RASSF1: variants seen among roughly 807,000 people sequenced by gnomAD.
The protein encoded by RASSF1 is Ras association domain family member 1.
Under a neutral mutation model 34.3 loss-of-function variants are expected in RASSF1, and 33 were observed. The ratio of observed to expected loss-of-function variants is 0.96; its 90% CI spans 0.73 to 1.29. RASSF1 has a LOEUF of 1.29. Ranked by LOEUF, RASSF1 falls within the 50% of genes most tolerant of loss-of-function variation. The pLI is 0.00. For synonymous variants in RASSF1, 191 were observed against 195.0 expected (o/e 0.98, Z 0.17); for missense variants, 445 against 471.8 (o/e 0.94, Z 0.53).
chr3:50,339,148 CCTTTT>C (rs1365996762), intron 1 of RASSF1, among the ~76,000 whole-genome samples: 1 of 152,168 alleles, frequency 6.6e-6, no homozygotes, highest in Non-Finnish European at 1.5e-5. Flanking sequence ...AATTTAATTC[CCTTTT>C]CTTCAGCCTC....
chr3:50,330,127 T>C lies in RASSF1; in HGVS notation c.*454A>G, dbSNP rs1702882048. 6.3e-6 allele frequency: 1 copy of C among 158,326 alleles called. No individual in the cohort carries two copies. The highest frequency in any genetic ancestry group is 1.4e-5 in the Non-Finnish European group (1 of 71,710). The allele number at this position is 158,326 out of a possible 1,614,324, so 9.8% of individuals were successfully genotyped here. On this transcript the variant is annotated 3_prime_UTR_variant, in exon 6 of 6. Coordinates refer to ENST00000359365, the MANE Select transcript of RASSF1 (RefSeq NM_007182.5). The surrounding 1 kb of genome is among the most constrained non-coding windows in gnomAD (Gnocchi z 4.5). ...GAGAGAAACCAAGACTCTTCCTCAA[T>C]GCCTGCCTTATTCTGAGCACCCACC...
At chr3:50,337,688 G>T in intron 2 of RASSF1, 2 of 852,728 alleles carry the variant, frequency 2.3e-6, no homozygotes, top group Non-Finnish European at 3.6e-6. Flanking sequence ...GCCTGGGTCA[G>T]CCTGGGCCCG....
chr3:50,330,989 C>CT lies in RASSF1; in HGVS notation c.877-263dup, dbSNP rs928602614. ...TGGACAGGTCAGGCATATTCTGAGT[C>CT]TAATTTCACTCCACAGGCCTAATAC... is the stretch of plus-strand genomic sequence containing the variant. On this transcript the variant is annotated intron_variant, in intron 5 of 5. Transcript: ENST00000359365. The surrounding 1 kb of genome is among the most constrained non-coding windows in gnomAD (Gnocchi z 4.5). 2.0e-5 allele frequency among the ~76,000 whole-genome samples: 3 copies of CT among 152,158 alleles called. No individual in the cohort carries two copies. The highest frequency in any genetic ancestry group is 2.4e-5 in the African/African-American group (1 of 41,438).
At chr3:50,337,060 C>G (rs1703164252) in intron 2 of RASSF1, 3 of 1,337,132 alleles carry the variant, frequency 2.2e-6, no homozygotes, top group Non-Finnish European at 2.9e-6. Flanking sequence ...CGGGGAGCCA[C>G]GTAGCCAGGA....
chr3:50,334,214 A>G (rs1267468970), intron 2 of RASSF1, among the ~76,000 whole-genome samples: 1 of 152,202 alleles, frequency 6.6e-6, no homozygotes, highest in Non-Finnish European at 1.5e-5. Context: ...GCAGCCAGCA[A>G]GGATGTGGGG....
intron 2 of RASSF1, chr3:50,337,691 T>A: frequency 1.2e-6 from 1 of 846,106 alleles, no homozygotes; most frequent in Non-Finnish European, 1.8e-6. Context: ...TGGGTCAGCC[T>A]GGGCCCGGGT....
chr3:50,335,241 C>A (rs1311916556), intron 2 of RASSF1, among the ~76,000 whole-genome samples: 1 of 152,000 alleles, frequency 6.6e-6, no homozygotes, highest in Non-Finnish European at 1.5e-5. Flanking sequence ...AGCCACTGCA[C>A]CTGGCCTAAA....
chr3:50,337,125 T>C (rs1575545971), intron 2 of RASSF1: 3 of 1,533,028 alleles, frequency 2.0e-6, no homozygotes, highest in Non-Finnish European at 2.6e-6. Context: ...AGGGCGGAGC[T>C]CCAGCGACCG....
chr3:50,331,259 C>T (rs1295367827), intron 5 of RASSF1, 75 bp downstream of exon 5: 3 of 1,179,214 alleles, frequency 2.5e-6, no homozygotes, highest in Admixed American at 2.6e-5. Flanking sequence ...ACAATTCCTC[C>T]TCCAAGCCTT....
At chr3:50,337,789 G>A (rs767853262) in intron 2 of RASSF1, 116 bp downstream of exon 2, 53 of 1,129,042 alleles carry the variant, frequency 4.7e-5, no homozygotes, top group Non-Finnish European at 6.4e-5. Context: ...CTGTGCCGCC[G>A]GGAAATCGGC....
chr3:50,330,872 T>C lies in RASSF1; in HGVS notation c.877-145A>G, dbSNP rs1702912488. 2.6e-5 allele frequency: 26 copies of C among 993,780 alleles called. No individual in the cohort carries two copies. The East Asian group carries it at 6.9e-4, about 26-fold the overall frequency. 61.6% of individuals were successfully genotyped at this position (993,780 alleles called of 1,614,324 possible). ...AGGCTCTTGGCTGAATGATCTCTGG[T>C]AGGATCCCTGACAGCAGTTTGTATG... On this transcript the variant is annotated intron_variant, in intron 5 of 5. Coordinates refer to ENST00000359365, the MANE Select transcript of RASSF1 (RefSeq NM_007182.5). The surrounding 1 kb of genome is among the most constrained non-coding windows in gnomAD (Gnocchi z 4.5).
chr3:50,337,436 G>A (rs1281518350), intron 2 of RASSF1: 25 of 1,576,150 alleles, frequency 1.6e-5, no homozygotes, highest in Non-Finnish European at 2.1e-5. Flanking sequence ...GAGCCGCGCC[G>A]CAACCGTTAA....
At chr3:50,337,632 G>A (rs1441253337) in intron 2 of RASSF1, 1 of 1,028,988 alleles carries the variant, frequency 9.7e-7, no homozygotes, top group Non-Finnish European at 1.4e-6. Context: ...AGTGGCCTCT[G>A]GCCGGAGGCG....
Position 50,332,165 on chromosome 3 carries a change from G to T in RASSF1, c.358-11C>A. 1 of 1,612,992 alleles carries T rather than the reference G, an allele frequency of 6.2e-7. No individual in the cohort carries two copies. Among genetic ancestry groups the T allele is most frequent in the South Asian group, 1.1e-5 (1 of 91,050 alleles). ...CTCCACAGGCTCGTCCTGCAAGATG[G>T]GCCAGCATGGACACAGGGCCCTTGA... On this transcript the variant is annotated splice_polypyrimidine_tract_variant and intron_variant, in intron 2 of 5. Transcript: ENST00000359365.
intron 2 of RASSF1, chr3:50,336,815 A>G: frequency 3.7e-6 from 1 of 273,448 alleles, no homozygotes; most frequent in Admixed American, 5.1e-5. Context: ...AGTCTCCCCA[A>G]GGAGGGAGCA....
rs140643791 is a variant in RASSF1, at chr3:50,332,695, G to C, written c.358-541C>G. The stretch of plus-strand genomic sequence containing the variant: ...TAGTCCCAACTGTTCAGGAGGCTGA[G>C]GTGGGAGGATCGTTTGAGCCCGGGA... On this transcript the variant is annotated intron_variant, in intron 2 of 5. Transcript: ENST00000359365. Among the ~76,000 whole-genome samples the C allele has an allele frequency of 1.3e-3, 191 of 152,286 alleles. 1 individual carries two copies. Among genetic ancestry groups the C allele is most frequent in the African/African-American group, 4.4e-3 (184 of 41,552 alleles).
rs116422509 is a variant in RASSF1, at chr3:50,340,812, G to C, written c.-7C>G. 8.6e-3 allele frequency: 12,892 copies of C among 1,491,974 alleles called. 945 individuals carry two copies. The African/African-American group carries it at 0.16, about 19-fold the overall frequency. 92.4% of individuals were successfully genotyped at this position (1,491,974 alleles called of 1,614,324 possible). On this transcript the variant is annotated 5_prime_UTR_variant, in exon 1 of 6. Coordinates refer to ENST00000359365, the MANE Select transcript of RASSF1 (RefSeq NM_007182.5). ...GCTCAGGCTCCCCCGACATGGCCCG[G>C]TTGGGCCCGTGCTTCGCTGGCTTTG...
intron 1 of RASSF1, chr3:50,338,328 G>A: frequency 1.5e-6 from 1 of 668,328 alleles, no homozygotes; most frequent in Non-Finnish European, 1.9e-6. Flanking sequence ...CACCCAGGCT[G>A]GAGTGCAATG....
At chr3:50,331,280 C>T (rs1166243000) in intron 5 of RASSF1, 54 bp downstream of exon 5, 3 of 1,321,226 alleles carry the variant, frequency 2.3e-6, no homozygotes, top group East Asian at 2.4e-5. Flanking sequence ...ACTGTAGCTA[C>T]AGCCCATCAG....
Sources: gnomAD v4.1 joint callset for allele counts (sites outside exome capture counted in the v4.1 genomes callset) on GRCh38, gnomAD v4.1.1 for gene constraint, Gnocchi (gnomAD v3.1) non-coding constraint, MANE v1.5 for transcripts, NCBI Gene and HGNC (gene_info 2026-07-23, HGNC 2026-07-21) for gene names.